ACAP2: variants seen among roughly 807,000 people sequenced by gnomAD.
ACAP2 encodes arf-GAP with coiled-coil, ANK repeat and PH domain-containing protein 2.
Under a neutral mutation model 115.8 loss-of-function variants are expected in ACAP2, and 39 were observed. The ratio of observed to expected loss-of-function variants is 0.34; its 90% CI spans 0.26 to 0.44. ACAP2 has a LOEUF of 0.44. Among genes scored for constraint, ACAP2 ranks in the 20% least tolerant of loss-of-function variants. The pLI, the probability that ACAP2 is intolerant of heterozygous loss-of-function variation, is 1.00. For synonymous variants in ACAP2, 289 were observed against 315.8 expected, an observed-to-expected ratio of 0.92 and a Z score of 0.90; for missense variants, 662 against 927.6, an observed-to-expected ratio of 0.71 and a Z score of 3.72.
chr3:195,412,342 G>A (rs1375175925), intron 1 of ACAP2, among the ~76,000 whole-genome samples: 1 of 151,602 alleles, frequency 6.6e-6, no homozygotes, highest in East Asian at 1.9e-4. Context: ...AGCACTTTCA[G>A]AGGCCAAGGT....
intron 5 of ACAP2, among the ~76,000 whole-genome samples, chr3:195,343,776 G>A (rs993083314): frequency 1.3e-5 from 2 of 151,972 alleles, no homozygotes; most frequent in Non-Finnish European, 2.9e-5. Context: ...TTTCTACTAG[G>A]GAGCTAGGTA....
At chr3:195,355,765 C>A (rs1467359648) in intron 4 of ACAP2, among the ~76,000 whole-genome samples, 1 of 152,190 alleles carries the variant, frequency 6.6e-6, no homozygotes, top group East Asian at 1.9e-4. Flanking sequence ...AAAGAGTAGG[C>A]TGCATAACCA....
At chr3:195,433,670 G>A (rs1715312322) in intron 1 of ACAP2, among the ~76,000 whole-genome samples, 1 of 152,110 alleles carries the variant, frequency 6.6e-6, no homozygotes, top group Non-Finnish European at 1.5e-5. Context: ...GTTAGATTTT[G>A]TCAAATGCTT....
chr3:195,342,319 T>C (rs1730929193), intron 6 of ACAP2, 152 bp downstream of exon 6: 1 of 662,148 alleles, frequency 1.5e-6, no homozygotes, highest in East Asian at 3.2e-5. Context: ...GGTACACTAA[T>C]AGCTACACAG....
At chr3:195,424,790 A>C (rs920327884) in intron 1 of ACAP2, among the ~76,000 whole-genome samples, 1 of 151,424 alleles carries the variant, frequency 6.6e-6, no homozygotes, top group Non-Finnish European at 1.5e-5. Flanking sequence ...AGTGACACAC[A>C]CCTGCAGTCC....
intron 1 of ACAP2, among the ~76,000 whole-genome samples, chr3:195,418,045 A>G (rs1416108592): frequency 6.6e-6 from 1 of 151,974 alleles, no homozygotes; most frequent in Non-Finnish European, 1.5e-5. Context: ...CCATGATCTG[A>G]CCCTTATTTA....
chr3:195,323,630 A>G (rs1265030713), intron 9 of ACAP2, among the ~76,000 whole-genome samples: 1 of 152,160 alleles, frequency 6.6e-6, no homozygotes, highest in Non-Finnish European at 1.5e-5. Context: ...TTGCTATTAG[A>G]TATCAAGAAT....
chr3:195,299,922 G>A (rs866130841), intron 15 of ACAP2, among the ~76,000 whole-genome samples: 3 of 151,342 alleles, frequency 2.0e-5, no homozygotes, highest in Non-Finnish European at 2.9e-5. Flanking sequence ...AATATACTAC[G>A]ATTAAAATTT....
intron 21 of ACAP2, 121 bp from the exon 22 acceptor site, chr3:195,285,978 C>G (rs1185188361): frequency 1.3e-6 from 1 of 741,094 alleles, no homozygotes; most frequent in Non-Finnish European, 2.1e-6. Context: ...TTAAAATAAT[C>G]TGGCTTTTAG....
chr3:195,277,902 T>C lies in ACAP2; in HGVS notation c.*1426A>G, dbSNP rs1371959711. On this transcript the variant is annotated 3_prime_UTR_variant, in exon 23 of 23. Coordinates refer to ENST00000326793, the MANE Select transcript of ACAP2 (RefSeq NM_012287.6). ...TTCGAGACCAACCTGGCCAAAATGG[T>C]GAAACCCGTCTTTACTAAAAATATA... 2.6e-5 allele frequency: 4 copies of C among 151,984 alleles called. No homozygotes were observed. The highest frequency in any genetic ancestry group is 9.7e-5 in the African/African-American group (4 of 41,374). The allele number at this position is 151,984 out of a possible 1,614,324, so 9.4% of individuals were successfully genotyped here.
chr3:195,381,891 A>T lies in ACAP2; in HGVS notation c.231+12T>A, dbSNP rs1241730754. ...TTTTTTCATTTTTAACTGCAATTTT[A>T]GTAATACTAACCTCAACGACAGCAT... On this transcript the variant is annotated intron_variant, in intron 3 of 22. Coordinates refer to ENST00000326793, the MANE Select transcript of ACAP2 (RefSeq NM_012287.6). 3 of 1,567,332 alleles carry T rather than the reference A, an allele frequency of 1.9e-6. No individual in the cohort carries two copies. In the Admixed American group the frequency reaches 6.4e-5, roughly 33 times the overall value.
chr3:195,442,749 C>A (rs1345067642), intron 1 of ACAP2, 46 bp downstream of exon 1: 88 of 1,523,886 alleles, frequency 5.8e-5, no homozygotes, highest in Non-Finnish European at 6.9e-5. Flanking sequence ...GCCCCCAGCG[C>A]CGGGAAGGCA....
At chr3:195,302,465 C>T (rs1728128019) in intron 13 of ACAP2, among the ~76,000 whole-genome samples, 1 of 152,138 alleles carries the variant, frequency 6.6e-6, no homozygotes, top group African/African-American at 2.4e-5. Context: ...ACTAGTCTAA[C>T]ATGCAGGGTG....
chr3:195,294,603 AAAAAAT>A (rs1437992195), intron 18 of ACAP2, 110 bp downstream of exon 18: 47 of 78,406 alleles, frequency 6.0e-4, no homozygotes, highest in Middle Eastern at 7.8e-3. Context: ...AAAAAAAAAA[AAAAAAT>A]TATATATATA....
chr3:195,424,244 GGTGTGTGT>G (rs58166272), intron 1 of ACAP2, among the ~76,000 whole-genome samples: 2 of 69,612 alleles, frequency 2.9e-5, no homozygotes, highest in Non-Finnish European at 5.3e-5. Flanking sequence ...GTGTGTGTGT[GGTGTGTGT>G]GTGTGTGTGT....
chr3:195,295,918 G>A (rs368307304), intron 16 of ACAP2, 26 bp from the exon 17 acceptor site: 124 of 1,584,212 alleles, frequency 7.8e-5, no homozygotes, highest in Non-Finnish European at 1.6e-5. Context: ...ATGTCATGAT[G>A]TTTTGCTTAA....
intron 4 of ACAP2, among the ~76,000 whole-genome samples, chr3:195,371,189 C>G (rs924360032): frequency 1.3e-5 from 2 of 152,042 alleles, no homozygotes; most frequent in Non-Finnish European, 2.9e-5. Flanking sequence ...TCTATCTATC[C>G]ATGAGGATTT....
At chr3:195,337,209 T>TTAA (rs1730562670) in intron 6 of ACAP2, among the ~76,000 whole-genome samples, 4 of 152,366 alleles carry the variant, frequency 2.6e-5, no homozygotes, top group African/African-American at 9.6e-5. Flanking sequence ...ATTTAACCGA[T>TTAA]ATTAGAGTGA....
At chr3:195,322,360 C>T (rs1729505568) in intron 9 of ACAP2, among the ~76,000 whole-genome samples, 1 of 152,088 alleles carries the variant, frequency 6.6e-6, no homozygotes, top group African/African-American at 2.4e-5. Flanking sequence ...TACTGAGATG[C>T]TGGGGCCTTG....
Sources: gnomAD v4.1 joint callset for allele counts (sites outside exome capture counted in the v4.1 genomes callset) on GRCh38, gnomAD v4.1.1 for gene constraint, MANE v1.5 for transcripts, NCBI Gene and HGNC (gene_info 2026-07-23, HGNC 2026-07-21) for gene names.